Variants in TWSG1 observed in about 807,000 individuals in gnomAD.
The protein encoded by TWSG1 is twisted gastrulation protein homolog 1.
In TWSG1, 15 loss-of-function variants were observed where a neutral mutation model predicts 23.0. That is an observed-to-expected ratio of 0.65 (90% CI 0.44 to 1.00). TWSG1 has a LOEUF of 1.00. Ranked by LOEUF, TWSG1 falls within the 50% of genes least tolerant of loss-of-function variation. The pLI is 0.00. For missense variants in TWSG1, 242 were observed against 278.7 expected, an observed-to-expected ratio of 0.87 and a Z score of 0.94; for synonymous variants, 86 against 92.8, an observed-to-expected ratio of 0.93 and a Z score of 0.42.
intron 3 of TWSG1, among the ~76,000 whole-genome samples, chr18:9,369,132 TAAATAAATA>T (rs755665399): frequency 0.012 from 985 of 80,744 alleles, 3 homozygotes; most frequent in South Asian, 0.034. Context: ...AACAAACAAA[TAAATAAATA>T]AAATAAAATA....
rs74871209 is a variant in TWSG1 at position 9,389,752 on chromosome 18, A to T, written c.224-6528A>T. Reference sequence around the variant, plus strand: ...TTTTTAAACTTTTAATCTGAGGAAGAAGTGAAACTCCATCTTACACCTAAT... The same window carrying T: ...TTTTTAAACTTTTAATCTGAGGAAGTAGTGAAACTCCATCTTACACCTAAT... On this transcript the variant is annotated intron_variant, in intron 3 of 4. Coordinates refer to ENST00000262120, the MANE Select transcript of TWSG1 (RefSeq NM_020648.6). 3.2e-3 allele frequency among the ~76,000 whole-genome samples: 488 copies of T among 152,360 alleles called. 5 individuals are homozygous for T. Among genetic ancestry groups the T allele is most frequent in the African/African-American group, 0.011 (471 of 41,582 alleles).
chr18:9,350,567 G>A (rs1363773863), intron 2 of TWSG1, among the ~76,000 whole-genome samples: 5 of 152,330 alleles, frequency 3.3e-5, no homozygotes, highest in South Asian at 2.1e-4. Flanking sequence ...GACTTGTACA[G>A]TAAGTAGGAT....
chr18:9,350,267 T>TACA, intron 2 of TWSG1, among the ~76,000 whole-genome samples: 1 of 3,224 alleles, frequency 3.1e-4, no homozygotes, highest in Non-Finnish European at 0.011. Flanking sequence ...AAAGAAAGAA[T>TACA]ACATCGTTTC....
intron 1 of TWSG1, among the ~76,000 whole-genome samples, chr18:9,335,592 T>C (rs1040459327): frequency 2.6e-5 from 4 of 152,218 alleles, no homozygotes; most frequent in East Asian, 1.9e-4. Context: ...ACAGTTAGTC[T>C]CCAAATAACC....
intron 2 of TWSG1, among the ~76,000 whole-genome samples, chr18:9,352,505 A>G (rs1163280873): frequency 6.6e-6 from 1 of 152,174 alleles, no homozygotes; most frequent in Non-Finnish European, 1.5e-5. Flanking sequence ...TGGGATGCCC[A>G]AGTTTGTAAG....
intron 3 of TWSG1, among the ~76,000 whole-genome samples, chr18:9,369,475 G>T (rs575898598): frequency 6.6e-6 from 1 of 152,152 alleles, no homozygotes; most frequent in East Asian, 1.9e-4. Context: ...CACCATGTTG[G>T]CCAAGCTGGT....
intron 2 of TWSG1, among the ~76,000 whole-genome samples, chr18:9,345,825 T>C (rs186631827): frequency 6.6e-6 from 1 of 152,332 alleles, no homozygotes; most frequent in Non-Finnish European, 1.5e-5. Context: ...TAATAGACTT[T>C]ATTTTTTGGA....
chr18:9,371,772 CTTTT>C (rs11379317), intron 3 of TWSG1, among the ~76,000 whole-genome samples: 2 of 134,734 alleles, frequency 1.5e-5, no homozygotes, highest in African/African-American at 2.8e-5. Flanking sequence ...CATTTTTATT[CTTTT>C]TTTTTTTTTT....
chr18:9,388,680 G>T (rs2145631093), intron 3 of TWSG1, among the ~76,000 whole-genome samples: 1 of 152,294 alleles, frequency 6.6e-6, no homozygotes, highest in Middle Eastern at 3.4e-3. Context: ...CCCCCAAATT[G>T]TTTTGATATA....
chr18:9,360,094 T>C (rs758547713), intron 3 of TWSG1, 23 bp downstream of exon 3: 2 of 1,557,190 alleles, frequency 1.3e-6, no homozygotes, highest in Non-Finnish European at 1.8e-6. Context: ...CAAGGGAGAC[T>C]TCTTAATATT....
At chr18:9,347,555 T>C (rs1167942210) in intron 2 of TWSG1, among the ~76,000 whole-genome samples, 1 of 152,178 alleles carries the variant, frequency 6.6e-6, no homozygotes, top group Non-Finnish European at 1.5e-5. Flanking sequence ...ACATTTCTTT[T>C]GTTAAATTTA....
At chr18:9,395,452 ATT>A (rs553664216) in intron 3 of TWSG1, among the ~76,000 whole-genome samples, 1 of 152,160 alleles carries the variant, frequency 6.6e-6, no homozygotes, top group South Asian at 2.1e-4. Flanking sequence ...CCAAATGGTG[ATT>A]TTCTGTTTCC....
At chr18:9,361,124 T>C (rs1456874257) in intron 3 of TWSG1, among the ~76,000 whole-genome samples, 2 of 152,222 alleles carry the variant, frequency 1.3e-5, no homozygotes, top group African/African-American at 4.8e-5. Flanking sequence ...TATCCCATTA[T>C]CTGTCTTTCT....
chr18:9,341,011 C>T (rs1394893995), intron 2 of TWSG1, among the ~76,000 whole-genome samples: 2 of 152,178 alleles, frequency 1.3e-5, no homozygotes, highest in African/African-American at 4.8e-5. Flanking sequence ...TTCTCCTCCC[C>T]TTCCTCCCTT....
At chr18:9,344,045 T>C (rs1178871686) in intron 2 of TWSG1, among the ~76,000 whole-genome samples, 1 of 152,118 alleles carries the variant, frequency 6.6e-6, no homozygotes, top group African/African-American at 2.4e-5. Context: ...GCACTACAGG[T>C]GTGTGCCACC....
chr18:9,368,510 G>A (rs1284248303), intron 3 of TWSG1, among the ~76,000 whole-genome samples: 1 of 151,870 alleles, frequency 6.6e-6, no homozygotes, highest in East Asian at 1.9e-4. Context: ...CATTATTGTG[G>A]TTTTAATTTG....
intron 3 of TWSG1, among the ~76,000 whole-genome samples, chr18:9,395,967 C>T (rs1050085326): frequency 6.6e-6 from 1 of 152,078 alleles, no homozygotes; most frequent in African/African-American, 2.4e-5. Flanking sequence ...TGGTGCACTT[C>T]CTTACTTTCT....
intron 3 of TWSG1, among the ~76,000 whole-genome samples, chr18:9,362,807 C>T (rs889840780): frequency 6.6e-6 from 1 of 152,120 alleles, no homozygotes; most frequent in Non-Finnish European, 1.5e-5. Flanking sequence ...GGCTAGTTCT[C>T]ATTTTTTTAA....
intron 2 of TWSG1, among the ~76,000 whole-genome samples, chr18:9,345,424 G>A (rs2040472517): frequency 6.6e-6 from 1 of 152,174 alleles, no homozygotes. Context: ...ATGGAGGTGG[G>A]AAGATCGCTT....
Sources: gnomAD v4.1 joint callset for allele counts (sites outside exome capture counted in the v4.1 genomes callset) on GRCh38, gnomAD v4.1.1 for gene constraint, MANE v1.5 for transcripts, NCBI Gene and HGNC (gene_info 2026-07-23, HGNC 2026-07-21) for gene names.